The following NEDD9 variants were observed in gnomAD, a reference collection of about 807,000 sequenced individuals.
NEDD9 encodes the protein neural precursor cell expressed, developmentally down-regulated 9.
In NEDD9, 26 loss-of-function variants were observed where a neutral mutation model predicts 76.6. The ratio of observed to expected loss-of-function variants is 0.34; its 90% CI spans 0.25 to 0.47. The LOEUF is 0.47. Ranked by LOEUF, NEDD9 falls within the 20% of genes least tolerant of loss-of-function variation. The pLI is 1.00. For missense variants in NEDD9, 937 were observed against 1,058.5 expected (o/e 0.89, Z 1.59); for synonymous variants, 392 against 414.2 (o/e 0.95, Z 0.65).
intron 3 of NEDD9, among the ~76,000 whole-genome samples, chr6:11,297,044 C>A (rs1760915507): frequency 6.6e-6 from 1 of 151,986 alleles, no homozygotes; most frequent in Admixed American, 6.5e-5. Context: ...GGCTTTTTTT[C>A]TTTAGATAAA....
intron 2 of NEDD9, among the ~76,000 whole-genome samples, chr6:11,194,659 C>G (rs1324179168): frequency 6.6e-6 from 1 of 152,216 alleles, no homozygotes; most frequent in Non-Finnish European, 1.5e-5. Context: ...GGTCTCTAAT[C>G]ATTTTCCCAT....
upstream of NEDD9, among the ~76,000 whole-genome samples, chr6:11,236,931 T>C (rs1374745044): frequency 6.6e-6 from 1 of 152,028 alleles, no homozygotes; most frequent in Non-Finnish European, 1.5e-5. This position sits in a 1 kb window ranked among gnomAD's most constrained non-coding sequence, Gnocchi z 5.5. Context: ...CATCCCACCC[T>C]CTAGCCATAC....
At position 11,352,035 on chromosome 6, in the gene NEDD9, G is replaced by C. The variant is rs371197124; in HGVS notation, c.-213-17474C>G. The C allele has an allele frequency of 5.9e-5, 9 of 152,360 alleles. No homozygotes were observed. The East Asian group carries it at 1.7e-3, about 29-fold the overall frequency. 9.4% of individuals were successfully genotyped at this position (152,360 alleles called of 1,614,324 possible). A position where few individuals can be genotyped will look rare whatever the true frequency, so the allele number is the denominator to read the frequency against. ...TCTTTCACTGTAAGGTGGGTCAAGT[G>C]GTTCACCCGTGTGTGTTCAAGTGGG... On this transcript the variant is annotated intron_variant, in intron 1 of 3. Coordinates refer to the NEDD9 transcript ENST00000397378.
At chr6:11,352,943 G>C (rs924250420) in intron 1 of NEDD9, among the ~76,000 whole-genome samples, 2 of 152,230 alleles carry the variant, frequency 1.3e-5, no homozygotes, top group Non-Finnish European at 2.9e-5. Flanking sequence ...TGGGATAAAA[G>C]CACATGTGGC....
At chr6:11,232,267 T>TC (rs1759492123) in intron 1 of NEDD9, among the ~76,000 whole-genome samples, 2 of 152,132 alleles carry the variant, frequency 1.3e-5, no homozygotes, top group Admixed American at 6.5e-5. Flanking sequence ...CCGAGGTATT[T>TC]CCCCGGCAAC....
At chr6:11,214,529 A>G (rs886506972) in intron 1 of NEDD9, among the ~76,000 whole-genome samples, 3 of 152,024 alleles carry the variant, frequency 2.0e-5, no homozygotes, top group Admixed American at 2.0e-4. Flanking sequence ...TTCCCCTTTC[A>G]TGGGCCCAAC....
intron 3 of NEDD9, among the ~76,000 whole-genome samples, chr6:11,270,446 A>G (rs1190396906): frequency 6.8e-6 from 1 of 147,180 alleles, no homozygotes; most frequent in African/African-American, 2.5e-5. Flanking sequence ...GGCTTTTCCT[A>G]CCATCCCAGG....
intron 3 of NEDD9, among the ~76,000 whole-genome samples, chr6:11,296,300 G>A (rs60995610): frequency 0.012 from 1,825 of 152,214 alleles, 33 homozygotes; most frequent in African/African-American, 0.041. Flanking sequence ...GAGGTTCTTC[G>A]TTTTGATCCT....
intron 2 of NEDD9, chr6:11,328,485 C>T (rs552236111): frequency 6.6e-6 from 1 of 152,248 alleles, no homozygotes; most frequent in Non-Finnish European, 1.5e-5. Flanking sequence ...GAGCACAGGT[C>T]ATCCCAGAAG....
chr6:11,278,416 GGCCAC>G (rs1180652349), intron 3 of NEDD9, among the ~76,000 whole-genome samples: 2 of 152,150 alleles, frequency 1.3e-5, no homozygotes, highest in African/African-American at 4.8e-5. Context: ...ACTTGCTCGA[GGCCAC>G]AGAGTTGAGG....
chr6:11,366,434 A>T (rs113177137), intron 1 of NEDD9, among the ~76,000 whole-genome samples: 3,868 of 151,762 alleles, frequency 0.025, 133 homozygotes, highest in African/African-American at 0.083. Context: ...AGAAAGGAAG[A>T]AAGAAAGAAA....
intron 1 of NEDD9, among the ~76,000 whole-genome samples, chr6:11,232,301 G>A (rs746138237): frequency 3.3e-5 from 5 of 152,202 alleles, no homozygotes; most frequent in African/African-American, 4.8e-5. Flanking sequence ...GGACTCGGGT[G>A]TACTGTGAAC....
chr6:11,327,966 C>A (rs1761963552), intron 2 of NEDD9, among the ~76,000 whole-genome samples: 1 of 152,174 alleles, frequency 6.6e-6, no homozygotes. Flanking sequence ...ATGAGCTCAC[C>A]CTAGGGGGAA....
chr6:11,369,846 T>C (rs758705329), intron 1 of NEDD9, among the ~76,000 whole-genome samples: 10 of 152,200 alleles, frequency 6.6e-5, no homozygotes, highest in Non-Finnish European at 1.3e-4. Context: ...TGCCAAATTG[T>C]AATAAGGACC....
At chr6:11,359,173 A>T (rs1762634038) in intron 1 of NEDD9, among the ~76,000 whole-genome samples, 2 of 152,192 alleles carry the variant, frequency 1.3e-5, no homozygotes, top group East Asian at 3.8e-4. Context: ...GGTTACAGAG[A>T]CAGAGAGCCA....
chr6:11,337,069 T>C (rs1215724570), intron 1 of NEDD9, among the ~76,000 whole-genome samples: 1 of 152,078 alleles, frequency 6.6e-6, no homozygotes, highest in Admixed American at 6.6e-5. Flanking sequence ...AATACAAAAA[T>C]TATCTGGACG....
In NEDD9 at chr6:11,213,642, A is replaced by G. The variant is rs1380661067; in HGVS notation, c.98T>C (p.Ile33Thr). The change falls in exon 2 of 7, where the codon ATA becomes ACA. Residue 33 changes from isoleucine to threonine, a missense_variant. Transcript: ENST00000379446. This position sits in a 1 kb window ranked among gnomAD's most constrained non-coding sequence, Gnocchi z 5.4. Reference protein sequence around the residue: ...AFRKGDILTVIEQNTGGLEGW... With the variant: ...AFRKGDILTVTEQNTGGLEGW... ...TTCCAGTCCCCCTGTGTTCTGCTCTATGACGGTCAGGATGTCTCCCTTGCG... is the reference window on the plus strand; with the variant it reads ...TTCCAGTCCCCCTGTGTTCTGCTCTGTGACGGTCAGGATGTCTCCCTTGCG... 8.7e-6 allele frequency: 14 copies of G among 1,614,044 alleles called. No individual in the cohort carries two copies. Among genetic ancestry groups the G allele is most frequent in the South Asian group, 3.3e-5 (3 of 91,088 alleles).
At chr6:11,188,471 AAAAT>A (rs1369471488) in intron 5 of NEDD9, among the ~76,000 whole-genome samples, 164 bp from the exon 6 acceptor site, 2 of 152,240 alleles carry the variant, frequency 1.3e-5, no homozygotes, top group African/African-American at 4.8e-5. Flanking sequence ...GGGTGGCAGA[AAAAT>A]AAAGCCCATT....
intron 3 of NEDD9, among the ~76,000 whole-genome samples, chr6:11,257,930 C>T (rs1212733849): frequency 6.6e-6 from 1 of 152,122 alleles, no homozygotes; most frequent in African/African-American, 2.4e-5. Flanking sequence ...TTTTTTGAAA[C>T]TGACTCTGAA....
Sources: allele counts gnomAD v4.1 joint callset (sites outside exome capture counted in the v4.1 genomes callset), GRCh38; gene constraint gnomAD v4.1.1; non-coding constraint Gnocchi (gnomAD v3.1); transcripts MANE v1.5; gene names NCBI Gene and HGNC (gene_info 2026-07-23, HGNC 2026-07-21).